The following LRBA variants were observed in gnomAD, a reference collection of about 807,000 sequenced individuals.
The protein encoded by LRBA is lipopolysaccharide-responsive and beige-like anchor protein.
LRBA carries 176 observed loss-of-function variants against 330.0 expected under a neutral mutation model. The ratio of observed to expected loss-of-function variants is 0.53; its 90% CI spans 0.47 to 0.60. The LOEUF (loss-of-function observed/expected upper bound fraction) is 0.60. Among genes scored for constraint, LRBA ranks in the 20% least tolerant of loss-of-function variants. The pLI is 0.00. For synonymous variants in LRBA, 1,230 were observed against 1,193.0 expected (o/e 1.03, Z -0.64); for missense variants, 3,259 against 3,444.8 (o/e 0.95, Z 1.35).
chr4:150,818,011 T>C (rs1284678492), intron 30 of LRBA, among the ~76,000 whole-genome samples: 1 of 152,094 alleles, frequency 6.6e-6, no homozygotes, highest in African/African-American at 2.4e-5. Flanking sequence ...GTGCTTACTT[T>C]TAATTACCTG....
At chr4:150,396,478 T>TCACACACACACACACACACA (rs1444805623) in intron 47 of LRBA, among the ~76,000 whole-genome samples, 2 of 61,216 alleles carry the variant, frequency 3.3e-5, no homozygotes, top group African/African-American at 7.9e-5. Flanking sequence ...ATAAATCTCA[T>TCACACACACACACACACACA]CTCACACACA....
At chr4:151,002,951 T>A (rs1004506910) in intron 2 of LRBA, among the ~76,000 whole-genome samples, 1 of 151,730 alleles carries the variant, frequency 6.6e-6, no homozygotes, top group East Asian at 1.9e-4. Flanking sequence ...GAGGTGGAGG[T>A]TGCAGTGAAC....
At chr4:150,846,793 C>T (rs866726552) in intron 26 of LRBA, among the ~76,000 whole-genome samples, 30 of 152,226 alleles carry the variant, frequency 2.0e-4, no homozygotes, top group Middle Eastern at 3.4e-3. Flanking sequence ...ATTAAATGAT[C>T]TTGGACAAGT....
chr4:150,804,126 T>C (rs1742192221), intron 33 of LRBA, among the ~76,000 whole-genome samples: 1 of 152,170 alleles, frequency 6.6e-6, no homozygotes. Context: ...ACTCTTCAAT[T>C]TTTAAAATTC....
At chr4:150,682,844 T>C (rs189419646) in intron 37 of LRBA, among the ~76,000 whole-genome samples, 9 of 152,242 alleles carry the variant, frequency 5.9e-5, no homozygotes, top group Admixed American at 4.6e-4. Context: ...GTCATTAACT[T>C]TACTTAAAAG....
chr4:150,579,841 C>T (rs550339610), intron 40 of LRBA: 1 of 393,426 alleles, frequency 2.5e-6, no homozygotes, highest in Non-Finnish European at 5.2e-6. Context: ...CGTCGCGGGC[C>T]GGGCCATTCG....
At chr4:150,627,531 A>G (rs537909244) in intron 37 of LRBA, among the ~76,000 whole-genome samples, 1 of 152,006 alleles carries the variant, frequency 6.6e-6, no homozygotes, top group Non-Finnish European at 1.5e-5. Context: ...TTAGCAATCT[A>G]AAATACTGTA....
At chr4:150,299,141 C>T (rs748545516) in intron 53 of LRBA, among the ~76,000 whole-genome samples, 3 of 151,904 alleles carry the variant, frequency 2.0e-5, no homozygotes, top group Non-Finnish European at 4.4e-5. Context: ...AAATAACTAT[C>T]TCAGGAAAAG....
chr4:150,916,984 T>G (rs187736038), intron 5 of LRBA, among the ~76,000 whole-genome samples: 142 of 152,138 alleles, frequency 9.3e-4, no homozygotes, highest in Non-Finnish European at 1.8e-3. Flanking sequence ...AAACCCCGTC[T>G]CTACTAAAAA....
chr4:150,636,413 T>C (rs1160621271), intron 37 of LRBA, among the ~76,000 whole-genome samples: 1 of 152,182 alleles, frequency 6.6e-6, no homozygotes, highest in Admixed American at 6.5e-5. Context: ...TTCAAGCTGA[T>C]TCTTTTTCCT....
At chr4:150,322,135 TA>T (rs1732600702) in intron 49 of LRBA, among the ~76,000 whole-genome samples, 1 of 152,156 alleles carries the variant, frequency 6.6e-6, no homozygotes, top group Non-Finnish European at 1.5e-5. Flanking sequence ...CCCTGTTGGT[TA>T]AAAAACAAAC....
chr4:150,303,086 G>C (rs1358002940), intron 52 of LRBA, among the ~76,000 whole-genome samples: 1 of 152,138 alleles, frequency 6.6e-6, no homozygotes, highest in African/African-American at 2.4e-5. Flanking sequence ...AATTACAAAT[G>C]AATCATGTTT....
chr4:150,825,613 C>T (rs1231251488), intron 30 of LRBA, among the ~76,000 whole-genome samples: 1 of 152,160 alleles, frequency 6.6e-6, no homozygotes, highest in Non-Finnish European at 1.5e-5. Flanking sequence ...AAATGATCCA[C>T]CCGCCTCAGC....
At chr4:150,737,908 C>CTTT (rs1190562661) in intron 35 of LRBA, among the ~76,000 whole-genome samples, 1 of 151,476 alleles carries the variant, frequency 6.6e-6, no homozygotes, top group Non-Finnish European at 1.5e-5. Flanking sequence ...CATTACTTCA[C>CTTT]TTTTACCCTA....
chr4:150,477,668 G>A (rs1290680806), intron 42 of LRBA, among the ~76,000 whole-genome samples: 1 of 152,028 alleles, frequency 6.6e-6, no homozygotes, highest in Admixed American at 6.6e-5. Context: ...GGTGGGAGGT[G>A]ATTATATCAT....
chr4:150,708,850 G>A (rs545636837), intron 36 of LRBA, among the ~76,000 whole-genome samples: 1 of 151,900 alleles, frequency 6.6e-6, no homozygotes, highest in African/African-American at 2.4e-5. Context: ...GGTATACATA[G>A]ATCATTGCTA....
intron 47 of LRBA, among the ~76,000 whole-genome samples, chr4:150,360,152 T>G (rs1738476321): frequency 6.6e-6 from 1 of 151,858 alleles, no homozygotes; most frequent in Non-Finnish European, 1.5e-5. Flanking sequence ...TTTTTTTAAT[T>G]TATAAAAAAT....
At chr4:150,841,354 G>A (rs932575990) in intron 28 of LRBA, among the ~76,000 whole-genome samples, 3 of 152,046 alleles carry the variant, frequency 2.0e-5, no homozygotes, top group Non-Finnish European at 4.4e-5. Context: ...CCCATAAATC[G>A]TTTACATTTA....
chr4:150,848,952 G>A lies in LRBA; in HGVS notation c.4205C>T (p.Ala1402Val). 1 of 1,611,168 alleles carries A rather than the reference G, an allele frequency of 6.2e-7. No homozygotes were observed. Among genetic ancestry groups the A allele is most frequent in the Non-Finnish European group, 8.5e-7 (1 of 1,178,810 alleles). The part of the protein sequence containing the change: ...IEPTQGLSIE[A>V]SVTFLQRLIS... Reference sequence around the variant, plus strand: ...TAGCCTCTGCAAAAATGTCACAGAGGCTTCTATTGAAAGGCCTTGAGTAGG... The same window carrying A: ...TAGCCTCTGCAAAAATGTCACAGAGACTTCTATTGAAAGGCCTTGAGTAGG... The change falls in exon 26 of 57, where the codon GCC becomes GTC. Residue 1402 changes from alanine to valine, a missense_variant. Physicochemically the swap from Ala to Val is moderately conservative, Grantham distance 64. Coordinates refer to ENST00000651943, the MANE Select transcript of LRBA (RefSeq NM_001364905.1).
Sources: gnomAD v4.1 joint callset for allele counts (sites outside exome capture counted in the v4.1 genomes callset) on GRCh38, gnomAD v4.1.1 for gene constraint, MANE v1.5 for transcripts, NCBI Gene and HGNC (gene_info 2026-07-23, HGNC 2026-07-21) for gene names.